The following TRIM33 variants were observed in gnomAD, a reference collection of about 807,000 sequenced individuals.
TRIM33 encodes tripartite motif containing 33.
A neutral mutation model predicts 125.4 loss-of-function variants in TRIM33; 20 were observed. That is an observed-to-expected ratio of 0.16 (90% CI 0.11 to 0.23). The LOEUF (loss-of-function observed/expected upper bound fraction) is 0.23, where lower values mean the gene tolerates loss of function less well. Among genes scored for constraint, TRIM33 ranks in the 10% least tolerant of loss-of-function variants. The pLI, the probability that TRIM33 is intolerant of heterozygous loss-of-function variation, is 1.00. For missense variants in TRIM33, 920 were observed against 1,411.4 expected, an observed-to-expected ratio of 0.65 and a Z score of 5.58; for synonymous variants, 564 against 513.9, an observed-to-expected ratio of 1.10 and a Z score of -1.32.
intron 1 of TRIM33, among the ~76,000 whole-genome samples, chr1:114,488,470 A>C (rs1651851089): frequency 6.6e-6 from 1 of 152,176 alleles, no homozygotes; most frequent in African/African-American, 2.4e-5. Context: ...AAGTACATTA[A>C]AAGAAGATGG....
At chr1:114,501,107 G>A (rs1402287852) in intron 1 of TRIM33, among the ~76,000 whole-genome samples, 2 of 73,334 alleles carry the variant, frequency 2.7e-5, no homozygotes, top group East Asian at 2.1e-4. Flanking sequence ...GGAGAATGGC[G>A]TGAACCCGGG....
At chr1:114,461,557 AAAC>A (rs1235661184) in intron 4 of TRIM33, among the ~76,000 whole-genome samples, 2 of 151,968 alleles carry the variant, frequency 1.3e-5, no homozygotes, top group African/African-American at 4.8e-5. Flanking sequence ...AGGAGAAAAA[AAAC>A]ATTTTTTTTA....
chr1:114,396,149 T>G lies in TRIM33; in HGVS notation c.*1499A>C. On this transcript the variant is annotated 3_prime_UTR_variant, in exon 20 of 20. Transcript: ENST00000358465. Reference sequence around the variant, plus strand: ...ATATTCTAATGTGTCCATACAAAAGTAGGACTAAAATCTTTAATCAAACAA... The same window carrying G: ...ATATTCTAATGTGTCCATACAAAAGGAGGACTAAAATCTTTAATCAAACAA... The G allele has an allele frequency of 5.0e-6, 1 of 201,710 alleles. No homozygotes were observed. Among genetic ancestry groups the G allele is most frequent in the Non-Finnish European group, 1.0e-5 (1 of 97,700 alleles). 12.5% of individuals were successfully genotyped at this position (201,710 alleles called of 1,614,324 possible).
rs570730026 is a variant in TRIM33 at position 114,505,127 on chromosome 1, C to T, written c.526+5424G>A. On this transcript the variant is annotated intron_variant, in intron 1 of 19. Coordinates refer to ENST00000358465, the MANE Select transcript of TRIM33 (RefSeq NM_015906.4). ...ATTTACAGATGTTAAGTAACTTATCCATGGTCATTCCAGTAGTAAATGGTA... is the reference window on the plus strand; with the variant it reads ...ATTTACAGATGTTAAGTAACTTATCTATGGTCATTCCAGTAGTAAATGGTA... 2.0e-5 allele frequency among the ~76,000 whole-genome samples: 3 copies of T among 152,240 alleles called. No individual in the cohort carries two copies. The South Asian group carries it at 6.2e-4, about 32-fold the overall frequency.
At position 114,397,651 on chromosome 1, in the gene TRIM33, C is replaced by CT; in HGVS notation, c.3380dup (p.Ter1128ValfsTer3). On this transcript the variant is annotated frameshift_variant, in exon 20 of 20. Coordinates refer to ENST00000358465, the MANE Select transcript of TRIM33 (RefSeq NM_015906.4). LOFTEE classifies it high-confidence loss of function. ...ATTGATTTAAATCCATGTCATTTTA[C>CT]TTTATATGTACTGGTCTCTCATCTG... is the stretch of plus-strand genomic sequence containing the variant. 1.5e-6 allele frequency: 1 copy of CT among 647,510 alleles called. No homozygotes were observed. 40.1% of individuals were successfully genotyped at this position (647,510 alleles called of 1,614,324 possible). A position where few individuals can be genotyped will look rare whatever the true frequency, so the allele number is the denominator to read the frequency against.
At position 114,510,685 on chromosome 1, in the gene TRIM33, C is replaced by G; in HGVS notation, c.392G>C (p.Ser131Thr). Residue 131 changes from serine (S) to threonine (T), a missense_variant, in exon 1 of 20, where the codon AGC becomes ACC. Ser to Thr is a moderately conservative substitution (Grantham distance 58, BLOSUM62 1). Transcript: ENST00000358465. ...LLDTCAVCQQ[S>T]LQSRREAEPK... ...CTCCGCCTCACGCCGGCTCTGCAAG[C>G]TCTGCTGACACACGGCGCAGGTGTC... The G allele has an allele frequency of 6.5e-7, 1 of 1,546,860 alleles. No homozygotes were observed. The highest frequency in any genetic ancestry group is 8.7e-7 in the Non-Finnish European group (1 of 1,152,074).
At chr1:114,416,183 T>A (rs928669638) in intron 11 of TRIM33, among the ~76,000 whole-genome samples, 1 of 152,182 alleles carries the variant, frequency 6.6e-6, no homozygotes, top group Non-Finnish European at 1.5e-5. Context: ...TATTGAAGAC[T>A]TGGCCTTGAA....
chr1:114,500,820 TCTATTG>T lies in TRIM33; in HGVS notation c.526+9725_526+9730del, dbSNP rs913165190. Among the ~76,000 whole-genome samples the T allele has an allele frequency of 9.9e-5, 15 of 152,084 alleles. No individual in the cohort carries two copies. In the East Asian group the frequency reaches 2.1e-3, roughly 21 times the overall value. On this transcript the variant is annotated intron_variant, in intron 1 of 19. Coordinates refer to ENST00000358465, the MANE Select transcript of TRIM33 (RefSeq NM_015906.4). ...AGCTCTCTAAAAAGTGTATCAGTTA[TCTATTG>T]CTATGTAACAAATTACCTCAAAAAT...
intron 10 of TRIM33, among the ~76,000 whole-genome samples, chr1:114,422,649 GAA>G (rs796601336): frequency 7.3e-6 from 1 of 137,618 alleles, no homozygotes; most frequent in Admixed American, 7.3e-5. Context: ...CACCAGGAAG[GAA>G]AAAAAAAAAA....
chr1:114,475,811 T>C (rs1021351194), intron 1 of TRIM33, among the ~76,000 whole-genome samples: 6 of 152,152 alleles, frequency 3.9e-5, no homozygotes, highest in Non-Finnish European at 7.4e-5. Flanking sequence ...GGATCCAGCC[T>C]AGGCAACAAA....
chr1:114,462,995 T>G, intron 4 of TRIM33, 109 bp downstream of exon 4: 1 of 833,718 alleles, frequency 1.2e-6, no homozygotes. Flanking sequence ...AAAATACAGA[T>G]TTAAAAGATT....
At chr1:114,424,562 G>C (rs374066803) in intron 10 of TRIM33, 29 bp downstream of exon 10, 7 of 1,486,794 alleles carry the variant, frequency 4.7e-6, no homozygotes, top group South Asian at 1.4e-5. Context: ...AAAATTGTAG[G>C]ATTCTTACAA....
At chr1:114,463,386 T>C (rs370280222) in intron 3 of TRIM33, 26 bp downstream of exon 3, 269 of 1,589,038 alleles carry the variant, frequency 1.7e-4, no homozygotes, top group Non-Finnish European at 2.2e-4. Flanking sequence ...GTAATCATTG[T>C]AATGATTACA....
In TRIM33 at chr1:114,424,707, A is replaced by T; in HGVS notation, c.1744T>A (p.Cys582Ser). 1 of 1,609,934 alleles carries T rather than the reference A, an allele frequency of 6.2e-7. No individual in the cohort carries two copies. Among genetic ancestry groups the T allele is most frequent in the African/African-American group, 1.3e-5 (1 of 74,932 alleles). ...VQTMQRGNMN[C>S]GAFQAHQMRL... The stretch of plus-strand genomic sequence containing the variant: ...ATCTGATGGGCTTGAAAAGCTCCAC[A>T]GTTCATGTTGCCTCTTTGCATTGTT... The change falls in exon 10 of 20, where the codon TGT (cysteine) becomes AGT (serine). Residue 582 changes from cysteine to serine, a missense_variant. By Grantham distance (112) the Cys-to-Ser change is moderately radical. Around this residue, in one of 8 missense-constraint regions of TRIM33, gnomAD observed 407 missense variants for 589.7 expected, o/e 0.69. Coordinates refer to ENST00000358465, the MANE Select transcript of TRIM33 (RefSeq NM_015906.4).
chr1:114,435,126 T>C (rs920023486), intron 4 of TRIM33, among the ~76,000 whole-genome samples: 1 of 152,226 alleles, frequency 6.6e-6, no homozygotes, highest in African/African-American at 2.4e-5. Context: ...CTAACCAGAA[T>C]GTAATAATCA....
rs551975388 is a variant in TRIM33 at position 114,452,638 on chromosome 1, G to A, written c.923+10466C>T. ...GAGCTGGGTGCAGTGGCTTATAAGTGTAATCCCAACAATTTGGGAGGCCAA... is the reference window on the plus strand; with the variant it reads ...GAGCTGGGTGCAGTGGCTTATAAGTATAATCCCAACAATTTGGGAGGCCAA... On this transcript the variant is annotated intron_variant, in intron 4 of 19. Transcript: ENST00000358465. Among the ~76,000 whole-genome samples, 9 of 150,560 alleles carry A rather than the reference G, an allele frequency of 6.0e-5. No homozygotes were observed. In the South Asian group the frequency reaches 1.7e-3, roughly 28 times the overall value.
intron 4 of TRIM33, among the ~76,000 whole-genome samples, chr1:114,445,775 T>C (rs1016514747): frequency 9.2e-5 from 14 of 152,280 alleles, no homozygotes; most frequent in African/African-American, 2.9e-4. Flanking sequence ...TACAAAGTAG[T>C]AATATCAATA....
At position 114,393,568 on chromosome 1, in the gene TRIM33, T is replaced by C. The variant is rs1230221161; in HGVS notation, c.*4080A>G. The C allele has an allele frequency of 4.9e-6, 1 of 205,466 alleles. No homozygotes were observed. Among genetic ancestry groups the C allele is most frequent in the Non-Finnish European group, 1.0e-5 (1 of 100,206 alleles). 12.7% of individuals were successfully genotyped at this position (205,466 alleles called of 1,614,324 possible). On this transcript the variant is annotated 3_prime_UTR_variant, in exon 20 of 20. Transcript: ENST00000358465. ...TAACTTATTTTTGAAGATAGTTTTG[T>C]TTCTTCGATACAATAAAAAATATAT... is the stretch of plus-strand genomic sequence containing the variant.
intron 11 of TRIM33, among the ~76,000 whole-genome samples, chr1:114,413,680 G>A (rs1652747642): frequency 7.5e-6 from 1 of 133,280 alleles, no homozygotes; most frequent in Non-Finnish European, 1.6e-5. Context: ...AGTATTTATA[G>A]CACTAGGTGT....
Sources: allele counts gnomAD v4.1 joint callset (sites outside exome capture counted in the v4.1 genomes callset), GRCh38; gene constraint gnomAD v4.1.1; regional missense constraint gnomAD v4.1.1; transcripts MANE v1.5; gene names NCBI Gene and HGNC (gene_info 2026-07-23, HGNC 2026-07-21).